Variants in PRDM16 observed in about 807,000 individuals in gnomAD.
PRDM16 encodes the protein histone-lysine N-methyltransferase PRDM16.
Under a neutral mutation model 110.6 loss-of-function variants are expected in PRDM16, and 23 were observed. That is an observed-to-expected ratio of 0.21 (90% CI 0.15 to 0.29). PRDM16 has a LOEUF of 0.29. Among genes scored for constraint, PRDM16 ranks in the 10% least tolerant of loss-of-function variants. The pLI is 1.00. For missense variants in PRDM16, 1,615 were observed against 1,794.3 expected (o/e 0.90, Z 1.81); for synonymous variants, 799 against 781.8 (o/e 1.02, Z -0.37).
At chr1:3,371,242 CGTTT>C in intron 3 of PRDM16, among the ~76,000 whole-genome samples, 1 of 141,704 alleles carries the variant, frequency 7.1e-6, no homozygotes, top group Middle Eastern at 4.3e-3. Context: ...TCCATCCATT[CGTTT>C]ATTCATCCAT....
At chr1:3,196,526 G>C (rs1638481238) in intron 2 of PRDM16, among the ~76,000 whole-genome samples, 1 of 152,244 alleles carries the variant, frequency 6.6e-6, no homozygotes. Flanking sequence ...TCACCGCCCG[G>C]TGCCCCTGCC....
chr1:3,109,608 C>G (rs969111544), intron 1 of PRDM16, among the ~76,000 whole-genome samples: 2 of 152,234 alleles, frequency 1.3e-5, no homozygotes, highest in African/African-American at 4.8e-5. Context: ...AATTGAGCAG[C>G]CCTTAGGGCT....
At chr1:3,422,510 C>T (rs937123519) in intron 12 of PRDM16, among the ~76,000 whole-genome samples, 12 of 152,370 alleles carry the variant, frequency 7.9e-5, no homozygotes, top group East Asian at 3.9e-4. Context: ...TGCATCCGGG[C>T]TGGAGACGCA....
intron 3 of PRDM16, among the ~76,000 whole-genome samples, chr1:3,335,920 C>A (rs1642136933): frequency 6.6e-6 from 1 of 152,220 alleles, no homozygotes; most frequent in Non-Finnish European, 1.5e-5. Context: ...CAGCCCAGCC[C>A]TGCTCGCTCT....
At chr1:3,403,292 C>T (rs1278291111) in intron 6 of PRDM16, among the ~76,000 whole-genome samples, 1 of 152,214 alleles carries the variant, frequency 6.6e-6, no homozygotes, top group Non-Finnish European at 1.5e-5. Flanking sequence ...GCTCATGGCC[C>T]TGCCTGCCAG....
chr1:3,114,325 A>AG (rs1299367687), intron 1 of PRDM16, among the ~76,000 whole-genome samples: 1 of 146,558 alleles, frequency 6.8e-6, no homozygotes, highest in Admixed American at 6.8e-5. Flanking sequence ...GCACACACGC[A>AG]GTGTAAACAG....
At chr1:3,402,647 G>C in intron 5 of PRDM16, 144 bp from the exon 6 acceptor site, 1 of 671,920 alleles carries the variant, frequency 1.5e-6, no homozygotes, top group South Asian at 1.9e-5. Context: ...CAAGTTGAAG[G>C]CTGGAAGGAA....
At chr1:3,389,315 C>T (rs1297314812) in intron 4 of PRDM16, among the ~76,000 whole-genome samples, 1 of 152,178 alleles carries the variant, frequency 6.6e-6, no homozygotes, top group East Asian at 1.9e-4. Context: ...GCATGGAGGC[C>T]CCGACACCCT....
Position 3,425,561 on chromosome 1 carries a change from A to G in PRDM16, c.2940-20A>G. ...TGCAGAGCCGGGGCCTGCACTGAGG[A>G]GCGCGTGTGCCCCTTCCAGGTGTAA... On this transcript the variant is annotated intron_variant, in intron 12 of 16. Coordinates refer to ENST00000270722, the MANE Select transcript of PRDM16 (RefSeq NM_022114.4). This position sits in a 1 kb window ranked among gnomAD's most constrained non-coding sequence, Gnocchi z 6.9. 2 of 1,611,778 alleles carry G rather than the reference A, an allele frequency of 1.2e-6. No homozygotes were observed. The highest frequency in any genetic ancestry group is 1.7e-6 in the Non-Finnish European group (2 of 1,178,870).
Position 3,255,544 on chromosome 1 carries a change from C to T in PRDM16, c.438+11407C>T, listed in dbSNP as rs945332068. On this transcript the variant is annotated intron_variant, in intron 3 of 16. Coordinates refer to ENST00000270722, the MANE Select transcript of PRDM16 (RefSeq NM_022114.4). This position sits in a 1 kb window ranked among gnomAD's most constrained non-coding sequence, Gnocchi z 4.7. The stretch of plus-strand genomic sequence containing the variant: ...GCATTCATCTGTGGCCACAGTGGCA[C>T]GGGGAGGGGGCGGGAGACACAAGCC... Among the ~76,000 whole-genome samples the T allele has an allele frequency of 1.2e-4, 18 of 151,164 alleles. No homozygotes were observed. Among genetic ancestry groups the T allele is most frequent in the Admixed American group, 9.9e-4 (15 of 15,150 alleles).
rs145645797 is a variant in PRDM16 at position 3,218,184 on chromosome 1, C to T, written c.388-25903C>T. 2.7e-3 allele frequency among the ~76,000 whole-genome samples: 410 copies of T among 152,364 alleles called. 2 individuals carry two copies. Among genetic ancestry groups the T allele is most frequent in the Non-Finnish European group, 4.2e-3 (287 of 68,034 alleles). On this transcript the variant is annotated intron_variant, in intron 2 of 16. Coordinates refer to ENST00000270722, the MANE Select transcript of PRDM16 (RefSeq NM_022114.4). The stretch of plus-strand genomic sequence containing the variant: ...GCCAGAGGAGGTGCCTGGCTCTCGG[C>T]AGGGAGCCGCAGGGCTCTTTCTTCC...
chr1:3,251,716 A>G (rs10797386), intron 3 of PRDM16, among the ~76,000 whole-genome samples: 132,248 of 152,220 alleles, frequency 0.87, 58,864 homozygotes, highest in Non-Finnish European at 0.96. Context: ...GCAGGCGCCT[A>G]GTTCTGCAGC....
At chr1:3,286,776 G>A (rs1054829588) in intron 3 of PRDM16, among the ~76,000 whole-genome samples, 5 of 152,158 alleles carry the variant, frequency 3.3e-5, no homozygotes, top group East Asian at 1.9e-4. Flanking sequence ...AGCCTCACTC[G>A]GGGAAACAGA....
rs1217396302 is a variant in PRDM16 at position 3,175,880 on chromosome 1, G to A, written c.38-10245G>A. Among the ~76,000 whole-genome samples, 1 of 152,178 alleles carries A rather than the reference G, an allele frequency of 6.6e-6. No homozygotes were observed. The highest frequency in any genetic ancestry group is 1.5e-5 in the Non-Finnish European group (1 of 68,040). The stretch of plus-strand genomic sequence containing the variant: ...CTTCACGGCTAGGGAAGGAAAGTCA[G>A]AAGTGGGAGTGAGGCTCCTGCCTTC... On this transcript the variant is annotated intron_variant, in intron 1 of 16. Transcript: ENST00000270722. The surrounding 1 kb of genome is among the most constrained non-coding windows in gnomAD (Gnocchi z 4.8).
At chr1:3,144,550 G>T (rs1439042570) in intron 1 of PRDM16, among the ~76,000 whole-genome samples, 1 of 152,100 alleles carries the variant, frequency 6.6e-6, no homozygotes, top group Non-Finnish European at 1.5e-5. Flanking sequence ...GGTGGGGGAG[G>T]GGGTGGCCAT....
chr1:3,379,115 C>A (rs1388721520), intron 3 of PRDM16, among the ~76,000 whole-genome samples: 1 of 143,448 alleles, frequency 7.0e-6, no homozygotes, highest in Non-Finnish European at 1.5e-5. Flanking sequence ...GTGCACCCCC[C>A]CAACTCACCC....
chr1:3,321,366 ATGTGCATTTGTGTGTGGGTCTC>A (rs1641739798), intron 3 of PRDM16, among the ~76,000 whole-genome samples: 1 of 140,780 alleles, frequency 7.1e-6, no homozygotes, highest in South Asian at 2.4e-4. Flanking sequence ...GTGTGTGACT[ATGTGCATTTGTGTGTGGGTCTC>A]TGTGAGTGTG....
chr1:3,142,214 T>C (rs1643564745), intron 1 of PRDM16, among the ~76,000 whole-genome samples: 1 of 152,230 alleles, frequency 6.6e-6, no homozygotes, highest in African/African-American at 2.4e-5. Context: ...CAGTCAAGCG[T>C]CTTTCACAGC....
chr1:3,343,744 C>G (rs1265153366), intron 3 of PRDM16, among the ~76,000 whole-genome samples: 1 of 152,100 alleles, frequency 6.6e-6, no homozygotes, highest in Non-Finnish European at 1.5e-5. Flanking sequence ...CCGCCTCCGC[C>G]ATTCTCCTGC....
Sources: allele counts gnomAD v4.1 joint callset (sites outside exome capture counted in the v4.1 genomes callset), GRCh38; gene constraint gnomAD v4.1.1; non-coding constraint Gnocchi (gnomAD v3.1); transcripts MANE v1.5; gene names NCBI Gene and HGNC (gene_info 2026-07-23, HGNC 2026-07-21).